SPEF2: variants seen among roughly 807,000 people sequenced by gnomAD.
SPEF2 encodes sperm flagella and cilia-associated protein 2.
In SPEF2, 187 loss-of-function variants were observed where a neutral mutation model predicts 224.6. The observed-to-expected ratio is 0.83, with a 90% confidence interval of 0.74 to 0.94. SPEF2 has a LOEUF of 0.94. SPEF2 is among the 40% of genes least tolerant of loss of function. SPEF2 has a pLI of 0.00. For missense variants in SPEF2, 2,170 were observed against 2,135.6 expected (o/e 1.02, Z -0.32); for synonymous variants, 715 against 707.3 (o/e 1.01, Z -0.17).
rs977947050 is a variant in SPEF2 at position 35,800,099 on chromosome 5, A to T, written c.4962A>T (p.Gly1654=). 7 of 1,613,978 alleles carry T rather than the reference A, an allele frequency of 4.3e-6. No homozygotes were observed. Among genetic ancestry groups the T allele is most frequent in the Non-Finnish European group, 5.9e-6 (7 of 1,180,006 alleles). Residue 1654 remains glycine, a synonymous_variant, in exon 34 of 37, where the codon GGA becomes GGT. Coordinates refer to ENST00000356031, the MANE Select transcript of SPEF2 (RefSeq NM_024867.4). The part of the protein sequence containing the change: ...GVYRALSVAV[G]THVFQQVKAS... ...ACAGGGCCCTCAGTGTGGCTGTTGG[A>T]ACTCATGTCTTCCAACAAGTCAAAG...
intron 6 of SPEF2, among the ~76,000 whole-genome samples, chr5:35,651,138 G>A (rs943886761): frequency 1.3e-4 from 20 of 152,318 alleles, no homozygotes; most frequent in Non-Finnish European, 2.4e-4. Context: ...AGCCTTCCCA[G>A]AAGTCCCATA....
At chr5:35,695,891 T>TC in intron 14 of SPEF2, 95 bp downstream of exon 14, 13 of 858,786 alleles carry the variant, frequency 1.5e-5, no homozygotes, top group East Asian at 2.9e-5. Context: ...GAAATTGCAA[T>TC]GTGCTCTTCT....
Position 35,763,760 on chromosome 5 carries a change from T to G in SPEF2, c.3801+58T>G. The stretch of plus-strand genomic sequence containing the variant: ...ATACACATTCATTAAGTACCAAGGT[T>G]GGTAATATGCTATAAGTGGAAAATT... On this transcript the variant is annotated intron_variant, in intron 26 of 36. Transcript: ENST00000356031. 5 of 1,457,162 alleles carry G rather than the reference T, an allele frequency of 3.4e-6. No individual in the cohort carries two copies. In the South Asian group the frequency reaches 4.4e-5, roughly 13 times the overall value. The allele number at this position is 1,457,162 out of a possible 1,614,324, so 90.3% of individuals were successfully genotyped here. A position where few individuals can be genotyped will look rare whatever the true frequency, so the allele number is the denominator to read the frequency against.
At chr5:35,765,602 C>G (rs945977598) in intron 26 of SPEF2, among the ~76,000 whole-genome samples, 7 of 152,124 alleles carry the variant, frequency 4.6e-5, no homozygotes, top group African/African-American at 1.4e-4. Context: ...TGTTGCATTG[C>G]TCCATTTGTC....
chr5:35,785,344 T>C (rs1754948631), intron 30 of SPEF2, among the ~76,000 whole-genome samples: 1 of 146,152 alleles, frequency 6.8e-6, no homozygotes, highest in Non-Finnish European at 1.5e-5. Flanking sequence ...GTCTTCAGAA[T>C]GAAACACACA....
At chr5:35,685,098 G>A (rs903007796) in intron 10 of SPEF2, among the ~76,000 whole-genome samples, 1 of 152,028 alleles carries the variant, frequency 6.6e-6, no homozygotes, top group Non-Finnish European at 1.5e-5. Flanking sequence ...TTATTATTAT[G>A]TACAGAGCTC....
chr5:35,764,924 A>G (rs191632957), intron 26 of SPEF2, among the ~76,000 whole-genome samples: 26 of 152,274 alleles, frequency 1.7e-4, no homozygotes, highest in Non-Finnish European at 2.9e-4. Context: ...TTTCACATAC[A>G]TAAGGAAAAT....
intron 20 of SPEF2, among the ~76,000 whole-genome samples, chr5:35,720,772 C>A (rs1743504092): frequency 6.6e-6 from 1 of 152,032 alleles, no homozygotes; most frequent in African/African-American, 2.4e-5. Context: ...TTTGGCAATC[C>A]CACGTACCTA....
At chr5:35,741,812 T>A (rs1747694629) in intron 23 of SPEF2, among the ~76,000 whole-genome samples, 1 of 152,216 alleles carries the variant, frequency 6.6e-6, no homozygotes, top group Non-Finnish European at 1.5e-5. Flanking sequence ...ATATAAACCC[T>A]ACAACTTTTT....
intron 10 of SPEF2, among the ~76,000 whole-genome samples, chr5:35,683,184 A>T (rs1366224924): frequency 6.6e-6 from 1 of 152,174 alleles, no homozygotes; most frequent in Non-Finnish European, 1.5e-5. Context: ...ATAGAGAGGC[A>T]TGTGAGTGCT....
At chr5:35,739,847 G>A in intron 21 of SPEF2, 72 bp from the exon 22 acceptor site, 1 of 1,571,028 alleles carries the variant, frequency 6.4e-7, no homozygotes, top group Non-Finnish European at 8.6e-7. Flanking sequence ...GCTTGGGACT[G>A]TTCTTTTGAC....
rs763657219 is a variant in SPEF2, at chr5:35,722,465, G to GT, written c.2915-5200dup. 1.2e-4 allele frequency among the ~76,000 whole-genome samples: 16 copies of GT among 137,824 alleles called. 1 individual carries two copies. The highest frequency in any genetic ancestry group is 3.6e-4 in the Admixed American group (5 of 13,920). The allele number at this position is 137,824 out of a possible 152,430, so 90.4% of individuals were successfully genotyped here. A position where few individuals can be genotyped will look rare whatever the true frequency, so the allele number is the denominator to read the frequency against. On this transcript the variant is annotated intron_variant, in intron 20 of 36. Coordinates refer to ENST00000356031, the MANE Select transcript of SPEF2 (RefSeq NM_024867.4). ...AAGCAACAGTGAGAGGTTTTTTTTT[G>GT]TTTTTTTTTTCAAGGTTTTTTTTCT...
intron 30 of SPEF2, among the ~76,000 whole-genome samples, chr5:35,784,218 C>T (rs1186072133): frequency 6.6e-6 from 1 of 151,818 alleles, no homozygotes; most frequent in Non-Finnish European, 1.5e-5. Context: ...AGCTCTACCT[C>T]CCGGGTTCAC....
In SPEF2 at chr5:35,622,615, G is replaced by A. The variant is rs113807438; in HGVS notation, c.58+4560G>A. Among the ~76,000 whole-genome samples the A allele has an allele frequency of 6.1e-3, 925 of 152,148 alleles. 9 individuals are homozygous for A. The highest frequency in any genetic ancestry group is 0.021 in the African/African-American group (880 of 41,502). The stretch of plus-strand genomic sequence containing the variant: ...TTTAGTTCTAGTCTTCTTTAAACCC[G>A]GAGTCTAAACCTTACACATTTTCTC... On this transcript the variant is annotated intron_variant, in intron 1 of 36. Coordinates refer to ENST00000356031, the MANE Select transcript of SPEF2 (RefSeq NM_024867.4).
intron 19 of SPEF2, 76 bp downstream of exon 19, chr5:35,709,197 T>G: frequency 1.3e-6 from 2 of 1,575,366 alleles, no homozygotes; most frequent in South Asian, 2.4e-5. Context: ...AATTATAGTC[T>G]ATCTACATTC....
chr5:35,665,003 C>G (rs528979147), intron 8 of SPEF2, among the ~76,000 whole-genome samples: 1 of 152,124 alleles, frequency 6.6e-6, no homozygotes, highest in Non-Finnish European at 1.5e-5. Flanking sequence ...TCTGTGCTAC[C>G]TACTATAATT....
chr5:35,729,678 G>C (rs1745302534), intron 21 of SPEF2, among the ~76,000 whole-genome samples: 1 of 152,094 alleles, frequency 6.6e-6, no homozygotes, highest in Non-Finnish European at 1.5e-5. Flanking sequence ...TGGTTTTGCT[G>C]TGTCCCTACC....
At chr5:35,696,933 G>C (rs1755423168) in intron 14 of SPEF2, among the ~76,000 whole-genome samples, 1 of 152,188 alleles carries the variant, frequency 6.6e-6, no homozygotes, top group Admixed American at 6.5e-5. Flanking sequence ...GAGGCAGGAA[G>C]GTGCCTGGCC....
chr5:35,749,202 T>G (rs1012863575), intron 23 of SPEF2, among the ~76,000 whole-genome samples: 1 of 152,114 alleles, frequency 6.6e-6, no homozygotes, highest in Non-Finnish European at 1.5e-5. Flanking sequence ...GGGACATATC[T>G]CAATGTAATA....
Sources: allele counts gnomAD v4.1 joint callset (sites outside exome capture counted in the v4.1 genomes callset), GRCh38; gene constraint gnomAD v4.1.1; transcripts MANE v1.5; gene names NCBI Gene and HGNC (gene_info 2026-07-23, HGNC 2026-07-21).